Variants in PRICKLE2 observed in about 807,000 individuals in gnomAD.
PRICKLE2 encodes prickle planar cell polarity protein 2.
Under a neutral mutation model 81.4 loss-of-function variants are expected in PRICKLE2, and 21 were observed. The ratio of observed to expected loss-of-function variants is 0.26; its 90% confidence interval spans 0.18 to 0.37. The LOEUF is 0.37. Ranked by LOEUF, PRICKLE2 falls within the 10% of genes least tolerant of loss-of-function variation. The pLI, the probability that PRICKLE2 is intolerant of heterozygous loss-of-function variation, is 1.00. For missense variants in PRICKLE2, 940 were observed against 1,109.0 expected, an observed-to-expected ratio of 0.85 and a Z score of 2.16; for synonymous variants, 456 against 421.5, an observed-to-expected ratio of 1.08 and a Z score of -1.00.
intron 7 of PRICKLE2, among the ~76,000 whole-genome samples, chr3:64,116,831 C>T (rs969845509): frequency 6.6e-6 from 1 of 152,114 alleles, no homozygotes; most frequent in African/African-American, 2.4e-5. Context: ...AGTGACTCCT[C>T]CCTAACTTAT....
chr3:64,173,582 G>T (rs1291847918), intron 2 of PRICKLE2, among the ~76,000 whole-genome samples: 1 of 152,114 alleles, frequency 6.6e-6, no homozygotes, highest in Non-Finnish European at 1.5e-5. Flanking sequence ...GCAGTATGAG[G>T]CCGGCTCTAG....
rs537403981 is a variant in PRICKLE2, at chr3:64,142,011, T to A, written c.1660+4819A>T. 4.8e-4 allele frequency: 436 copies of A among 905,606 alleles called. 6 individuals are homozygous for A. The South Asian group carries it at 0.019, about 40-fold the overall frequency. The allele number at this position is 905,606 out of a possible 1,614,324, so 56.1% of individuals were successfully genotyped here. A position where few individuals can be genotyped will look rare whatever the true frequency, so the allele number is the denominator to read the frequency against. On this transcript the variant is annotated intron_variant, in intron 7 of 7. Transcript: ENST00000638394. ...GCTATTAAAAAAAAAACTACTGAAT[T>A]TTCTAGCAAAATTCAAATGTAAACA...
chr3:64,106,434 T>A (rs906562445), intron 7 of PRICKLE2, among the ~76,000 whole-genome samples: 3 of 152,342 alleles, frequency 2.0e-5, no homozygotes, highest in Non-Finnish European at 4.4e-5. Context: ...CTGTATGACC[T>A]GCAAAGACTC....
At chr3:64,113,637 G>A (rs185265550) in intron 7 of PRICKLE2, among the ~76,000 whole-genome samples, 39 of 152,252 alleles carry the variant, frequency 2.6e-4, no homozygotes, top group Admixed American at 2.3e-3. Context: ...GCACACTGGA[G>A]TGTAGTCTGC....
intron 2 of PRICKLE2, among the ~76,000 whole-genome samples, chr3:64,263,251 C>A (rs1158691115): frequency 6.6e-6 from 1 of 152,156 alleles, no homozygotes; most frequent in African/African-American, 2.4e-5. Context: ...GTCCAAAGTG[C>A]CTTCTTGGAC....
chr3:64,264,607 A>T (rs1415250905), intron 2 of PRICKLE2, among the ~76,000 whole-genome samples: 5 of 152,220 alleles, frequency 3.3e-5, no homozygotes, highest in African/African-American at 1.2e-4. Context: ...TCTAACATCC[A>T]ACTCAACAGA....
At chr3:64,231,450 A>G (rs976841103) in intron 2 of PRICKLE2, among the ~76,000 whole-genome samples, 1 of 152,184 alleles carries the variant, frequency 6.6e-6, no homozygotes, top group African/African-American at 2.4e-5. Context: ...TGAAACCTGA[A>G]TTTTCTTTAT....
At chr3:64,131,914 G>C (rs923125506) in intron 7 of PRICKLE2, among the ~76,000 whole-genome samples, 8 of 152,192 alleles carry the variant, frequency 5.3e-5, no homozygotes, top group African/African-American at 1.7e-4. Context: ...GGGATACCAG[G>C]AGGTGGAATT....
chr3:64,201,575 T>A (rs1468517279), intron 1 of PRICKLE2, among the ~76,000 whole-genome samples: 1 of 152,200 alleles, frequency 6.6e-6, no homozygotes, highest in Admixed American at 6.5e-5. Context: ...TTAGTCCATT[T>A]TTTTTCATTG....
chr3:64,154,209 A>G (rs1343138514), intron 5 of PRICKLE2: 1 of 152,196 alleles, frequency 6.6e-6, no homozygotes, highest in African/African-American at 2.4e-5. Flanking sequence ...CTCATGTAAA[A>G]TAATGAATTC....
chr3:64,223,219 C>T (rs2107151710), intron 1 of PRICKLE2, among the ~76,000 whole-genome samples: 1 of 152,308 alleles, frequency 6.6e-6, no homozygotes, highest in Middle Eastern at 3.4e-3. Context: ...ACAACAACAA[C>T]AATAGCAGCT....
At chr3:64,238,498 AAAG>A (rs1263836606) in intron 2 of PRICKLE2, among the ~76,000 whole-genome samples, 25 of 151,666 alleles carry the variant, frequency 1.6e-4, no homozygotes, top group African/African-American at 6.1e-4. Flanking sequence ...AAAAAAAAAA[AAAG>A]AAAAAAGAAA....
intron 2 of PRICKLE2, among the ~76,000 whole-genome samples, chr3:64,257,859 T>G (rs911399322): frequency 2.0e-5 from 3 of 152,158 alleles, no homozygotes; most frequent in Non-Finnish European, 4.4e-5. Context: ...ATGGGGCTTT[T>G]GGGAGGTGAT....
chr3:64,229,312 C>T (rs146504470), upstream of PRICKLE2, among the ~76,000 whole-genome samples: 9 of 152,216 alleles, frequency 5.9e-5, no homozygotes, highest in Non-Finnish European at 1.0e-4. Flanking sequence ...AGGGAAAGGT[C>T]AAGTACATCT....
chr3:64,175,842 T>C (rs773969859), intron 2 of PRICKLE2, among the ~76,000 whole-genome samples: 4 of 152,218 alleles, frequency 2.6e-5, no homozygotes, highest in Non-Finnish European at 4.4e-5. Flanking sequence ...CAGATTAGTT[T>C]TATTATTATT....
chr3:64,232,565 C>T (rs2079120708), intron 2 of PRICKLE2, among the ~76,000 whole-genome samples: 1 of 26,364 alleles, frequency 3.8e-5, no homozygotes, highest in Non-Finnish European at 2.9e-4. Context: ...GGCTCTTTTG[C>T]TGGCTCATGC....
intron 6 of PRICKLE2, among the ~76,000 whole-genome samples, chr3:64,152,917 T>G (rs2077570028): frequency 6.6e-6 from 1 of 152,204 alleles, no homozygotes; most frequent in Non-Finnish European, 1.5e-5. Context: ...TGAAGACAGC[T>G]TCTCCCAAAT....
intron 7 of PRICKLE2, among the ~76,000 whole-genome samples, chr3:64,130,359 A>G (rs2106984533): frequency 6.6e-6 from 1 of 152,280 alleles, no homozygotes; most frequent in South Asian, 2.1e-4. Context: ...TCAGGTTCAG[A>G]GTTTAGATAA....
At chr3:64,259,773 G>A (rs761097080) in intron 2 of PRICKLE2, among the ~76,000 whole-genome samples, 10 of 152,084 alleles carry the variant, frequency 6.6e-5, no homozygotes, top group Non-Finnish European at 1.2e-4. Context: ...GGAGTGATGC[G>A]GCTGTAACCA....
Sources: allele counts gnomAD v4.1 joint callset (sites outside exome capture counted in the v4.1 genomes callset), GRCh38; gene constraint gnomAD v4.1.1; transcripts MANE v1.5; gene names NCBI Gene and HGNC (gene_info 2026-07-23, HGNC 2026-07-21).